GLDC: variants seen among roughly 807,000 people sequenced by gnomAD.
The protein encoded by GLDC is glycine decarboxylase.
GLDC carries 104 observed loss-of-function variants against 121.3 expected under a neutral mutation model. The ratio of observed to expected loss-of-function variants is 0.86; its 90% CI spans 0.73 to 1.01. GLDC has a LOEUF of 1.01. Ranked by LOEUF, GLDC falls within the 50% of genes least tolerant of loss-of-function variation. The probability of loss-of-function intolerance (pLI) is 0.00; values close to 1 mark genes in which losing one functional copy is unlikely to be tolerated. For synonymous variants in GLDC, 546 were observed against 480.6 expected (o/e 1.14, Z -1.78); for missense variants, 1,429 against 1,306.6 (o/e 1.09, Z -1.44).
At chr9:6,568,196 C>T (rs182758094) in intron 15 of GLDC, among the ~76,000 whole-genome samples, 1 of 152,218 alleles carries the variant, frequency 6.6e-6, no homozygotes. Flanking sequence ...GGATTTCTCT[C>T]TCTCTCTCTC....
At chr9:6,633,072 C>T (rs1819422861) in intron 2 of GLDC, among the ~76,000 whole-genome samples, 1 of 152,146 alleles carries the variant, frequency 6.6e-6, no homozygotes, top group South Asian at 2.1e-4. Context: ...CTCAGCCTTC[C>T]TGTCTCTCAT....
chr9:6,610,104 G>T, intron 4 of GLDC, 88 bp downstream of exon 4: 2 of 1,019,906 alleles, frequency 2.0e-6, no homozygotes, highest in Non-Finnish European at 3.0e-6. Flanking sequence ...GCTGACTAAA[G>T]TAATATTCAC....
At chr9:6,587,801 T>G (rs985831558) in intron 14 of GLDC, among the ~76,000 whole-genome samples, 1 of 152,136 alleles carries the variant, frequency 6.6e-6, no homozygotes, top group Non-Finnish European at 1.5e-5. Context: ...TTGACTCTAT[T>G]TTTTAAAAAA....
At chr9:6,536,287 C>T (rs1275617392) in intron 22 of GLDC, 51 bp from the exon 23 acceptor site, 2 of 1,506,418 alleles carry the variant, frequency 1.3e-6, no homozygotes, top group Non-Finnish European at 1.8e-6. Context: ...GTGGCCTACC[C>T]AGTTTGGAAG....
chr9:6,563,169 C>T (rs1000105293), intron 16 of GLDC, among the ~76,000 whole-genome samples: 2 of 152,248 alleles, frequency 1.3e-5, no homozygotes, highest in Non-Finnish European at 2.9e-5. Context: ...GAACCCCGCC[C>T]AGGCCAAACC....
At chr9:6,589,412 CTTATTTATTTATTTAT>C in intron 11 of GLDC, 120 bp from the exon 12 acceptor site, 1 of 454,308 alleles carries the variant, frequency 2.2e-6, no homozygotes, top group South Asian at 3.8e-5. Context: ...TATAATTTTA[CTTATTTATTTATTTAT>C]TTATTTATTT....
chr9:6,612,009 A>G (rs1174246523), intron 3 of GLDC, among the ~76,000 whole-genome samples: 4 of 151,994 alleles, frequency 2.6e-5, no homozygotes, highest in Non-Finnish European at 4.4e-5. Flanking sequence ...CCTGTTGTCT[A>G]TGCCTTTTGT....
Position 6,644,656 on chromosome 9 carries a change from T to C in GLDC, c.292A>G (p.Asn98Asp), listed in dbSNP as rs750964572. 2.0e-5 allele frequency: 33 copies of C among 1,613,696 alleles called. No individual in the cohort carries two copies. The South Asian group carries it at 3.1e-4, about 15-fold the overall frequency. ...TTCAAGGGTCTTTTCAAACGGATGT[T>C]GGCAGGGACCGTCTTCTCGATCAAT... Reference protein sequence around the residue: ...DELIEKTVPANIRLKRPLKME... With the variant: ...DELIEKTVPADIRLKRPLKME... The change falls in exon 2 of 25, where the codon AAC becomes GAC. Residue 98 changes from asparagine (N) to aspartate (D), a missense_variant. Transcript: ENST00000321612.
chr9:6,575,321 A>G (rs548278211), intron 15 of GLDC, among the ~76,000 whole-genome samples: 14 of 152,304 alleles, frequency 9.2e-5, no homozygotes, highest in South Asian at 6.2e-4. Context: ...GTGTTCTTCA[A>G]AAGTCTCCCC....
intron 9 of GLDC, among the ~76,000 whole-genome samples, chr9:6,594,471 G>A (rs995198030): frequency 2.6e-5 from 4 of 151,994 alleles, no homozygotes; most frequent in East Asian, 1.9e-4. Flanking sequence ...CAAAGTGGAC[G>A]GATTTCTTGA....
At chr9:6,625,069 T>C (rs1819203250) in intron 2 of GLDC, among the ~76,000 whole-genome samples, 2 of 151,934 alleles carry the variant, frequency 1.3e-5, no homozygotes, top group Admixed American at 1.3e-4. Flanking sequence ...ATTCTACTAG[T>C]GGAAGTAATC....
chr9:6,553,251 C>T, intron 20 of GLDC, 117 bp downstream of exon 20: 1 of 911,154 alleles, frequency 1.1e-6, no homozygotes, highest in Non-Finnish European at 1.7e-6. Flanking sequence ...TTCTTTGAAC[C>T]ACATCTCAGA....
chr9:6,548,135 A>G (rs1222810825), intron 21 of GLDC, among the ~76,000 whole-genome samples: 2 of 152,198 alleles, frequency 1.3e-5, no homozygotes, highest in East Asian at 1.9e-4. Flanking sequence ...TAATAAAACT[A>G]TCTGTAGTAT....
Position 6,633,821 on chromosome 9 carries a change from C to CTTTT in GLDC, c.334+10789_334+10792dup, listed in dbSNP as rs1156711956. 6.4e-3 allele frequency among the ~76,000 whole-genome samples: 575 copies of CTTTT among 89,452 alleles called. 93 individuals are homozygous for CTTTT. Among genetic ancestry groups the CTTTT allele is most frequent in the African/African-American group, 0.022 (433 of 19,970 alleles). 58.7% of individuals were successfully genotyped at this position (89,452 alleles called of 152,430 possible). ...ACTTGGGAGGCTGAGGCAGGAGAAT[C>CTTTT]TTTTTTTTTTTTTTTTTTTTTTTTT... On this transcript the variant is annotated intron_variant, in intron 2 of 24. Transcript: ENST00000321612.
At chr9:6,548,828 A>G (rs934541940) in intron 21 of GLDC, among the ~76,000 whole-genome samples, 3 of 152,068 alleles carry the variant, frequency 2.0e-5, no homozygotes, top group Non-Finnish European at 4.4e-5. Context: ...TTGTTCCCCC[A>G]TCTGTTTTTC....
chr9:6,535,843 A>G, intron 23 of GLDC: 1 of 570,236 alleles, frequency 1.8e-6, no homozygotes, highest in Non-Finnish European at 3.2e-6. Flanking sequence ...CCAACTAGAC[A>G]GCTGTGGACA....
In GLDC at chr9:6,534,728, C is replaced by A; in HGVS notation, c.2899G>T (p.Glu967Ter). The change falls in exon 24 of 25, where the codon GAG (glutamate) becomes TAG (stop). Residue 967 changes from glutamate (E) to a stop codon, truncating the protein, a stop_gained. Coordinates refer to ENST00000321612, the MANE Select transcript of GLDC (RefSeq NM_000170.3). LOFTEE classifies it high-confidence loss of function. Reference protein sequence around the residue: ...SSHWDRPYSREVAAFPLPFVK... With the variant: ...SSHWDRPYSR ...CTTACGAGTGGGAATGCTGCCACCT[C>A]TCTGGAATAAGGCCGGTCCCAGTGG... 6.2e-7 allele frequency: 1 copy of A among 1,602,172 alleles called. No individual in the cohort carries two copies. The highest frequency in any genetic ancestry group is 8.6e-7 in the Non-Finnish European group (1 of 1,169,168).
chr9:6,565,596 TG>T, intron 15 of GLDC, 167 bp from the exon 16 acceptor site: 2 of 697,250 alleles, frequency 2.9e-6, no homozygotes, highest in Non-Finnish European at 5.3e-6. Context: ...CAAAAGGTCT[TG>T]AACAATCAAA....
At chr9:6,601,394 T>C (rs879299681) in intron 8 of GLDC, among the ~76,000 whole-genome samples, 1 of 152,210 alleles carries the variant, frequency 6.6e-6, no homozygotes, top group Non-Finnish European at 1.5e-5. Context: ...TATCCATCTT[T>C]CTATTTACAT....
Sources: gnomAD v4.1 joint callset for allele counts (sites outside exome capture counted in the v4.1 genomes callset) on GRCh38, gnomAD v4.1.1 for gene constraint, MANE v1.5 for transcripts, NCBI Gene and HGNC (gene_info 2026-07-23, HGNC 2026-07-21) for gene names.